Variants in EDAR observed in about 807,000 individuals in gnomAD.
The protein encoded by EDAR is tumor necrosis factor receptor superfamily member EDAR.
In EDAR, 38 loss-of-function variants were observed where a neutral mutation model predicts 51.3. The ratio of observed to expected loss-of-function variants is 0.74; its 90% CI spans 0.57 to 0.97. The LOEUF is 0.97. Among genes scored for constraint, EDAR ranks in the 50% least tolerant of loss-of-function variants. The probability of loss-of-function intolerance (pLI) is 0.00; values close to 1 mark genes in which losing one functional copy is unlikely to be tolerated. For synonymous variants in EDAR, 227 were observed against 242.1 expected (o/e 0.94, Z 0.58); for missense variants, 528 against 595.0 (o/e 0.89, Z 1.17).
intron 1 of EDAR, among the ~76,000 whole-genome samples, chr2:108,977,299 C>T (rs577998468): frequency 1.6e-4 from 24 of 152,214 alleles, no homozygotes; most frequent in African/African-American, 5.3e-4. Context: ...GATGGAGTCT[C>T]GCTCTGTCGC....
chr2:108,936,866 C>T (rs537164943), intron 1 of EDAR, among the ~76,000 whole-genome samples: 2 of 152,340 alleles, frequency 1.3e-5, no homozygotes, highest in African/African-American at 4.8e-5. Context: ...GGGAGTCCCT[C>T]CTGCCCCATG....
chr2:108,978,702 G>T (rs564982586), intron 1 of EDAR, among the ~76,000 whole-genome samples: 4 of 152,334 alleles, frequency 2.6e-5, no homozygotes, highest in African/African-American at 9.6e-5. Flanking sequence ...AGGTTCTGTA[G>T]TGAGGCAGAA....
chr2:108,963,907 T>A (rs2104414019), intron 1 of EDAR, among the ~76,000 whole-genome samples: 1 of 152,278 alleles, frequency 6.6e-6, no homozygotes, highest in South Asian at 2.1e-4. Context: ...GAGGAGCCAG[T>A]AGGGTCGGCT....
At chr2:108,938,733 C>T (rs556502217) in intron 1 of EDAR, among the ~76,000 whole-genome samples, 1 of 147,674 alleles carries the variant, frequency 6.8e-6, no homozygotes, top group East Asian at 2.0e-4. Flanking sequence ...GAAAAGTTAT[C>T]ATAACTAACA....
intron 1 of EDAR, among the ~76,000 whole-genome samples, chr2:108,939,631 G>C (rs1375539585): frequency 6.6e-6 from 1 of 152,170 alleles, no homozygotes; most frequent in Non-Finnish European, 1.5e-5. Flanking sequence ...CAGTCACAGT[G>C]TATCCCCTGT....
At chr2:108,903,809 G>A (rs1696748673) in intron 11 of EDAR, among the ~76,000 whole-genome samples, 1 of 152,046 alleles carries the variant, frequency 6.6e-6, no homozygotes, top group South Asian at 2.1e-4. Context: ...AAAACTATGT[G>A]GACTTAGAAT....
intron 3 of EDAR, 25 bp from the exon 4 acceptor site, chr2:108,929,404 A>G (rs748896271): frequency 1.2e-6 from 2 of 1,613,112 alleles, no homozygotes; most frequent in Admixed American, 3.3e-5. Context: ...AGGACAGGGG[A>G]CACAGGTGAG....
intron 1 of EDAR, among the ~76,000 whole-genome samples, chr2:108,931,497 C>T (rs948682190): frequency 4.6e-5 from 7 of 152,214 alleles, no homozygotes; most frequent in Non-Finnish European, 7.3e-5. Flanking sequence ...GTTCTTCCCT[C>T]TCTCTGTTAA....
chr2:108,916,627 T>G (rs1362185741), intron 5 of EDAR, among the ~76,000 whole-genome samples: 1 of 152,058 alleles, frequency 6.6e-6, no homozygotes, highest in Non-Finnish European at 1.5e-5. Flanking sequence ...GCTGCAGGTG[T>G]AGGCTGGGTG....
rs187283571 is a variant in EDAR at position 108,954,736 on chromosome 2, C to T, written c.-18-23704G>A. Among the ~76,000 whole-genome samples, 382 of 151,508 alleles carry T rather than the reference C, an allele frequency of 2.5e-3. 3 individuals carry two copies. Among genetic ancestry groups the T allele is most frequent in the East Asian group, 0.017 (89 of 5,132 alleles). ...TATTGACCAGGCTGGAGTGCAATGG[C>T]GTGATCTCGGCTCACTGCAACCTCC... On this transcript the variant is annotated intron_variant, in intron 1 of 11. Coordinates refer to ENST00000258443, the MANE Select transcript of EDAR (RefSeq NM_022336.4).
At chr2:108,901,079 G>T (rs1696689758) in intron 11 of EDAR, among the ~76,000 whole-genome samples, 1 of 152,070 alleles carries the variant, frequency 6.6e-6, no homozygotes, top group African/African-American at 2.4e-5. Context: ...AACAACAGCA[G>T]AATACACATT....
At chr2:108,924,324 C>T (rs1697210618) in intron 4 of EDAR, among the ~76,000 whole-genome samples, 1 of 152,216 alleles carries the variant, frequency 6.6e-6, no homozygotes, top group African/African-American at 2.4e-5. Context: ...CCTGCTGGCA[C>T]CACCCTCTCC....
chr2:108,928,304 C>A (rs749315605), intron 4 of EDAR, among the ~76,000 whole-genome samples: 1 of 152,184 alleles, frequency 6.6e-6, no homozygotes, highest in Non-Finnish European at 1.5e-5. Flanking sequence ...CAGGCATCAC[C>A]TCCACAAATC....
rs1553446258 is a variant in EDAR at position 108,913,966 on chromosome 2, AAT to A, written c.443-1204_443-1203del. Among the ~76,000 whole-genome samples, 523 of 150,850 alleles carry A rather than the reference AAT, an allele frequency of 3.5e-3. 3 individuals carry two copies. The highest frequency in any genetic ancestry group is 0.012 in the African/African-American group (480 of 41,022). ...TTCCGTCTCAAAAAAAAAAAAAAAA[AAT>A]CTAGAAAAGGGGCCGGGCGCGGTAG... On this transcript the variant is annotated intron_variant, in intron 5 of 11. Coordinates refer to ENST00000258443, the MANE Select transcript of EDAR (RefSeq NM_022336.4).
chr2:108,968,634 A>T (rs1010731244), intron 1 of EDAR, among the ~76,000 whole-genome samples: 4 of 152,162 alleles, frequency 2.6e-5, no homozygotes, highest in Admixed American at 1.3e-4. Flanking sequence ...CTTCCTAGCT[A>T]CCAGGGAAGA....
intron 1 of EDAR, among the ~76,000 whole-genome samples, chr2:108,957,573 A>G (rs546989765): frequency 6.6e-6 from 1 of 152,334 alleles, no homozygotes; most frequent in Non-Finnish European, 1.5e-5. Flanking sequence ...CTCAGGCTCC[A>G]TGCTTCTGAT....
In EDAR at chr2:108,944,768, G is replaced by A. The variant is rs140895365; in HGVS notation, c.-18-13736C>T. Among the ~76,000 whole-genome samples, 579 of 152,294 alleles carry A rather than the reference G, an allele frequency of 3.8e-3. 1 individual carries two copies. The highest frequency in any genetic ancestry group is 0.013 in the African/African-American group (552 of 41,560). ...GAGCTGTGGCACAGAGCCGGTCCCA[G>A]ACCTTCCTGAGGTCACAGAGTCAAG... On this transcript the variant is annotated intron_variant, in intron 1 of 11. Transcript: ENST00000258443.
At chr2:108,963,187 G>A (rs953944648) in intron 1 of EDAR, among the ~76,000 whole-genome samples, 1 of 152,142 alleles carries the variant, frequency 6.6e-6, no homozygotes, top group East Asian at 1.9e-4. Flanking sequence ...CCAGTTTTGG[G>A]AAAATACATC....
In EDAR at chr2:108,909,623, G is replaced by GT. The variant is rs570004489; in HGVS notation, c.803+836_803+837insA. Among the ~76,000 whole-genome samples, 15 of 152,338 alleles carry GT rather than the reference G, an allele frequency of 9.8e-5. No individual in the cohort carries two copies. The South Asian group carries it at 2.5e-3, about 25-fold the overall frequency. On this transcript the variant is annotated intron_variant, in intron 9 of 11. Transcript: ENST00000258443. The stretch of plus-strand genomic sequence containing the variant: ...CTGTCGGGCAGAGGCCTGGCAGGGG[G>GT]GTCCGAGCACATTGCCTGGCTGGGA...
Sources: gnomAD v4.1 joint callset for allele counts (sites outside exome capture counted in the v4.1 genomes callset) on GRCh38, gnomAD v4.1.1 for gene constraint, MANE v1.5 for transcripts, NCBI Gene and HGNC (gene_info 2026-07-23, HGNC 2026-07-21) for gene names.